PRCP: variants seen among roughly 807,000 people sequenced by gnomAD.
The protein encoded by PRCP is prolylcarboxypeptidase.
Under a neutral mutation model 54.2 loss-of-function variants are expected in PRCP, and 46 were observed. That is an observed-to-expected ratio of 0.85 (90% CI 0.67 to 1.09). The LOEUF (loss-of-function observed/expected upper bound fraction) is 1.09, where lower values mean the gene tolerates loss of function less well. Ranked by LOEUF, PRCP falls within the 50% of genes least tolerant of loss-of-function variation. The probability of loss-of-function intolerance (pLI) is 0.00; values close to 1 mark genes in which losing one functional copy is unlikely to be tolerated. For synonymous variants in PRCP, 240 were observed against 212.2 expected (o/e 1.13, Z -1.14); for missense variants, 613 against 596.8 (o/e 1.03, Z -0.28).
chr11:82,901,630 T>G (rs925462251), upstream of PRCP: 1 of 152,376 alleles, frequency 6.6e-6, no homozygotes, highest in African/African-American at 2.4e-5. Flanking sequence ...CAGATGCTTG[T>G]AGGATTTCCT....
At chr11:82,848,474 C>T (rs1228972681) in intron 6 of PRCP, among the ~76,000 whole-genome samples, 1 of 152,184 alleles carries the variant, frequency 6.6e-6, no homozygotes, top group Non-Finnish European at 1.5e-5. Flanking sequence ...AAGCACCTTG[C>T]CTAAGATCAC....
chr11:82,853,359 T>G, intron 2 of PRCP, 81 bp from the exon 3 acceptor site: 2 of 1,140,902 alleles, frequency 1.8e-6, no homozygotes, highest in Admixed American at 2.3e-5. Flanking sequence ...CCATATGGAA[T>G]AGATGTTAAG....
intron 6 of PRCP, chr11:82,845,779 CT>C (rs1370846190): frequency 2.6e-5 from 4 of 152,168 alleles, no homozygotes; most frequent in African/African-American, 9.7e-5. Context: ...GCTCTTTAAG[CT>C]GGGAAGAAAC....
At chr11:82,860,927 G>A (rs947978233) in intron 1 of PRCP, among the ~76,000 whole-genome samples, 1 of 152,110 alleles carries the variant, frequency 6.6e-6, no homozygotes, top group Non-Finnish European at 1.5e-5. Flanking sequence ...ACAATTAATG[G>A]AGAGTTATAT....
intron 8 of PRCP, chr11:82,827,483 C>G (rs769549413): frequency 6.6e-6 from 1 of 152,134 alleles, no homozygotes; most frequent in Non-Finnish European, 1.5e-5. Flanking sequence ...GCATGCGGAT[C>G]TCCAGTTTTC....
At chr11:82,881,902 T>C (rs1253248131) in intron 1 of PRCP, among the ~76,000 whole-genome samples, 1 of 152,154 alleles carries the variant, frequency 6.6e-6, no homozygotes, top group East Asian at 1.9e-4. Context: ...CCCAAAAACT[T>C]AATAGAACAT....
chr11:82,847,710 A>G (rs1858840865), intron 6 of PRCP, among the ~76,000 whole-genome samples: 1 of 152,010 alleles, frequency 6.6e-6, no homozygotes. Context: ...ATCCCGCCTT[A>G]GCCTCCCAAG....
intron 6 of PRCP, among the ~76,000 whole-genome samples, chr11:82,844,179 A>G (rs1858745183): frequency 1.3e-5 from 2 of 152,178 alleles, no homozygotes; most frequent in Non-Finnish European, 2.9e-5. Flanking sequence ...CCTAATAAGC[A>G]TTACAATTGT....
At chr11:82,900,007 A>G (rs1410114462) in intron 1 of PRCP, 1 of 555,896 alleles carries the variant, frequency 1.8e-6, no homozygotes, top group East Asian at 3.3e-5. Context: ...GAAAAGCCTG[A>G]ATCAAGAGTA....
chr11:82,850,582 G>C (rs1163133544), intron 3 of PRCP, 77 bp from the exon 4 acceptor site: 24 of 1,157,084 alleles, frequency 2.1e-5, no homozygotes, highest in Non-Finnish European at 2.4e-5. Flanking sequence ...ATCCAGAAGA[G>C]AGCCAGTGTC....
intron 6 of PRCP, among the ~76,000 whole-genome samples, chr11:82,847,778 G>A (rs1591046530): frequency 6.6e-6 from 1 of 152,150 alleles, no homozygotes; most frequent in East Asian, 1.9e-4. Context: ...ATTTTTAGTA[G>A]AGATGAGGTC....
chr11:82,866,875 C>G (rs553218995), intron 1 of PRCP, among the ~76,000 whole-genome samples: 319 of 152,150 alleles, frequency 2.1e-3, no homozygotes, highest in African/African-American at 7.4e-3. Flanking sequence ...GTGCCCACCA[C>G]CACACCCGGA....
At chr11:82,843,135 C>T (rs1373506640) in intron 6 of PRCP, 2 of 152,072 alleles carry the variant, frequency 1.3e-5, no homozygotes, top group African/African-American at 4.8e-5. Context: ...TATATCAAGT[C>T]CTCATCTTTA....
intron 1 of PRCP, among the ~76,000 whole-genome samples, chr11:82,873,088 A>AG (rs1859519179): frequency 6.7e-6 from 1 of 150,122 alleles, no homozygotes; most frequent in South Asian, 2.1e-4. Flanking sequence ...TTAAAAAAAA[A>AG]GAAAGTAAGA....
intron 1 of PRCP, among the ~76,000 whole-genome samples, chr11:82,881,110 A>T (rs771134481): frequency 9.9e-5 from 15 of 152,146 alleles, no homozygotes; most frequent in Non-Finnish European, 2.1e-4. Context: ...TGTGGTCTAG[A>T]TCAGGGTTAT....
At chr11:82,875,716 T>C (rs1859587393) in intron 1 of PRCP, among the ~76,000 whole-genome samples, 1 of 152,188 alleles carries the variant, frequency 6.6e-6, no homozygotes. Context: ...ATGCACATTA[T>C]GAATGTGGGT....
intron 1 of PRCP, among the ~76,000 whole-genome samples, chr11:82,878,705 CT>C (rs753794394): frequency 2.0e-5 from 3 of 152,306 alleles, no homozygotes; most frequent in Non-Finnish European, 4.4e-5. Flanking sequence ...AAGTTTAGTG[CT>C]TCCTTCAGGA....
At chr11:82,866,717 T>C (rs1244617906) in intron 1 of PRCP, among the ~76,000 whole-genome samples, 2 of 151,872 alleles carry the variant, frequency 1.3e-5, no homozygotes, top group Admixed American at 6.5e-5. Flanking sequence ...TTATAGATAA[T>C]TGTTTTTAAT....
At chr11:82,872,608 C>G (rs1488433719) in intron 1 of PRCP, among the ~76,000 whole-genome samples, 1 of 152,168 alleles carries the variant, frequency 6.6e-6, no homozygotes, top group East Asian at 1.9e-4. Context: ...CAACAGCCAG[C>G]AGAAGCTTAG....
Sources: allele counts gnomAD v4.1 joint callset (sites outside exome capture counted in the v4.1 genomes callset), GRCh38; gene constraint gnomAD v4.1.1; transcripts MANE v1.5; gene names NCBI Gene and HGNC (gene_info 2026-07-23, HGNC 2026-07-21).